The following TRIM44 variants were observed in gnomAD, a reference collection of about 807,000 sequenced individuals.
TRIM44 encodes the protein tripartite motif containing 44.
In TRIM44, 13 loss-of-function variants were observed where a neutral mutation model predicts 37.4. The ratio of observed to expected loss-of-function variants is 0.35; its 90% confidence interval spans 0.23 to 0.55. The LOEUF (loss-of-function observed/expected upper bound fraction) is 0.55. TRIM44 is among the 20% of genes least tolerant of loss of function. The pLI is 0.89. For synonymous variants in TRIM44, 175 were observed against 157.2 expected, an observed-to-expected ratio of 1.11 and a Z score of -0.85; for missense variants, 426 against 437.2, an observed-to-expected ratio of 0.97 and a Z score of 0.23.
chr11:35,738,512 G>C (rs1261424884), intron 4 of TRIM44, among the ~76,000 whole-genome samples: 1 of 152,116 alleles, frequency 6.6e-6, no homozygotes, highest in Non-Finnish European at 1.5e-5. Context: ...GAAAGGAGGA[G>C]GAGGAGTCAG....
At chr11:35,750,205 A>G (rs771365867) in intron 4 of TRIM44, among the ~76,000 whole-genome samples, 4 of 152,328 alleles carry the variant, frequency 2.6e-5, no homozygotes, top group East Asian at 1.9e-4. Context: ...TGTTGGAGCT[A>G]TAGTAGAAAC....
intron 2 of TRIM44, among the ~76,000 whole-genome samples, chr11:35,713,914 T>A (rs1852008133): frequency 6.6e-6 from 1 of 152,186 alleles, no homozygotes; most frequent in Non-Finnish European, 1.5e-5. Flanking sequence ...TTCTGTATCA[T>A]TGAAGTAGAC....
At chr11:35,750,679 C>T (rs781019438) in intron 4 of TRIM44, among the ~76,000 whole-genome samples, 1 of 152,138 alleles carries the variant, frequency 6.6e-6, no homozygotes, top group Non-Finnish European at 1.5e-5. Flanking sequence ...TTTTTCTCCA[C>T]TAGATGTTGG....
intron 2 of TRIM44, among the ~76,000 whole-genome samples, chr11:35,699,806 A>G (rs944192175): frequency 1.3e-5 from 2 of 152,206 alleles, no homozygotes; most frequent in South Asian, 2.1e-4. Context: ...TTATACACCA[A>G]TAACAGACAA....
intron 4 of TRIM44, among the ~76,000 whole-genome samples, chr11:35,752,249 T>C (rs1408837183): frequency 1.3e-5 from 2 of 152,034 alleles, no homozygotes; most frequent in Non-Finnish European, 2.9e-5. Flanking sequence ...CACCTCTACC[T>C]CACCGTCCTG....
intron 1 of TRIM44, among the ~76,000 whole-genome samples, chr11:35,664,285 C>T (rs1398413165): frequency 6.6e-6 from 1 of 152,162 alleles, no homozygotes; most frequent in Admixed American, 6.5e-5. Context: ...TTAGATTCTT[C>T]GTGTTTGAAA....
At chr11:35,741,190 C>T (rs1001219645) in intron 4 of TRIM44, among the ~76,000 whole-genome samples, 2 of 152,150 alleles carry the variant, frequency 1.3e-5, no homozygotes, top group Admixed American at 1.3e-4. Context: ...GGGGTGCCAA[C>T]ATCTAAGTTG....
At chr11:35,790,054 T>G (rs1355216926) in intron 4 of TRIM44, among the ~76,000 whole-genome samples, 2 of 152,174 alleles carry the variant, frequency 1.3e-5, no homozygotes, top group African/African-American at 4.8e-5. Context: ...AAATGTGTCT[T>G]TAATAATCCT....
intron 2 of TRIM44, among the ~76,000 whole-genome samples, chr11:35,706,378 T>C (rs1407653560): frequency 2.0e-5 from 3 of 151,924 alleles, no homozygotes; most frequent in Non-Finnish European, 2.9e-5. Flanking sequence ...TTCCAATCAA[T>C]AGAAAAAGAG....
chr11:35,733,719 C>T (rs964787337), intron 3 of TRIM44, among the ~76,000 whole-genome samples: 3 of 152,086 alleles, frequency 2.0e-5, no homozygotes, highest in Non-Finnish European at 4.4e-5. Flanking sequence ...AGGCTTGCAC[C>T]CTGGCAGTCT....
In TRIM44 at chr11:35,809,800, G is replaced by A. The variant is rs1175758745; in HGVS notation, c.*3415G>A. 6.6e-6 allele frequency: 1 copy of A among 152,098 alleles called. No individual in the cohort carries two copies. Among genetic ancestry groups the A allele is most frequent in the Non-Finnish European group, 1.5e-5 (1 of 68,016 alleles). 9.4% of individuals were successfully genotyped at this position (152,098 alleles called of 1,614,324 possible). A position where few individuals can be genotyped will look rare whatever the true frequency, so the allele number is the denominator to read the frequency against. ...ACTCTCTTACTGATTCCTGGTTTTAGTGTGTGTGTCGGGGGAGTGTGTACC... is the reference window on the plus strand; with the variant it reads ...ACTCTCTTACTGATTCCTGGTTTTAATGTGTGTGTCGGGGGAGTGTGTACC... On this transcript the variant is annotated 3_prime_UTR_variant, in exon 5 of 5. Coordinates refer to ENST00000299413, the MANE Select transcript of TRIM44 (RefSeq NM_017583.6).
chr11:35,791,294 T>C (rs1853206229), intron 4 of TRIM44, among the ~76,000 whole-genome samples: 1 of 152,194 alleles, frequency 6.6e-6, no homozygotes, highest in Admixed American at 6.5e-5. Flanking sequence ...GAGTTACCAC[T>C]GGGTGTTTGT....
At position 35,817,148 on chromosome 11, in the gene TRIM44, A is replaced by T. The variant is rs1450184569; in HGVS notation, c.*10763A>T. ...TGGACTTAAACTGACTGACATCTTG[A>T]TAATGCCCATATCCAGAGGTACTCC... On this transcript the variant is annotated 3_prime_UTR_variant, in exon 5 of 5. Coordinates refer to ENST00000299413, the MANE Select transcript of TRIM44 (RefSeq NM_017583.6). The T allele has an allele frequency of 6.6e-6, 1 of 152,192 alleles. No homozygotes were observed. The highest frequency in any genetic ancestry group is 1.5e-5 in the Non-Finnish European group (1 of 68,036). The allele number at this position is 152,192 out of a possible 1,614,324, so 9.4% of individuals were successfully genotyped here.
At chr11:35,714,124 G>A (rs996460706) in intron 2 of TRIM44, among the ~76,000 whole-genome samples, 1 of 152,072 alleles carries the variant, frequency 6.6e-6, no homozygotes, top group African/African-American at 2.4e-5. Flanking sequence ...AAGGGCATAG[G>A]CTCCCTCTTT....
chr11:35,715,981 A>T (rs760969646), intron 2 of TRIM44, among the ~76,000 whole-genome samples: 1 of 152,172 alleles, frequency 6.6e-6, no homozygotes, highest in African/African-American at 2.4e-5. Context: ...GTCATCTCCC[A>T]CCAGGCCCCA....
chr11:35,760,184 C>T lies in TRIM44; in HGVS notation c.1007+24739C>T, dbSNP rs191211081. ...CCGCTTTGTTTACCTACTCAAGCCT[C>T]GGTAATGGCAGGTGCCCCTCCCCCA... On this transcript the variant is annotated intron_variant, in intron 4 of 4. Coordinates refer to ENST00000299413, the MANE Select transcript of TRIM44 (RefSeq NM_017583.6). Among the ~76,000 whole-genome samples the T allele has an allele frequency of 4.7e-3, 714 of 152,324 alleles. 3 individuals carry two copies. The highest frequency in any genetic ancestry group is 7.4e-3 in the Non-Finnish European group (502 of 68,046).
At chr11:35,668,558 T>C (rs1851356897) in intron 1 of TRIM44, among the ~76,000 whole-genome samples, 1 of 152,276 alleles carries the variant, frequency 6.6e-6, no homozygotes, top group African/African-American at 2.4e-5. Context: ...TTCCTTTTTA[T>C]GGCTGCATAG....
chr11:35,793,357 G>A (rs1428655187), intron 4 of TRIM44, among the ~76,000 whole-genome samples: 2 of 151,612 alleles, frequency 1.3e-5, no homozygotes, highest in African/African-American at 2.4e-5. Context: ...AAAACCCGTC[G>A]CTACTAAAAA....
At chr11:35,792,111 A>ACACACTCTCTCTCT (rs796092540) in intron 4 of TRIM44, among the ~76,000 whole-genome samples, 30 of 114,364 alleles carry the variant, frequency 2.6e-4, no homozygotes, top group African/African-American at 1.1e-3. Flanking sequence ...ACACACACAC[A>ACACACTCTCTCTCT]CTCTCTCTCA....
Sources: gnomAD v4.1 joint callset for allele counts (sites outside exome capture counted in the v4.1 genomes callset) on GRCh38, gnomAD v4.1.1 for gene constraint, MANE v1.5 for transcripts, NCBI Gene and HGNC (gene_info 2026-07-23, HGNC 2026-07-21) for gene names.